The following DLGAP2 variants were observed in gnomAD, a reference collection of about 807,000 sequenced individuals.
The protein encoded by DLGAP2 is disks large-associated protein 2.
Under a neutral mutation model 100.3 loss-of-function variants are expected in DLGAP2, and 26 were observed. That is an observed-to-expected ratio of 0.26 (90% CI 0.19 to 0.36). DLGAP2 has a LOEUF of 0.36. Ranked by LOEUF, DLGAP2 falls within the 10% of genes least tolerant of loss-of-function variation. The probability of loss-of-function intolerance (pLI) is 1.00; values close to 1 mark genes in which losing one functional copy is unlikely to be tolerated. For synonymous variants in DLGAP2, 886 were observed against 630.1 expected, an observed-to-expected ratio of 1.41 and a Z score of -6.08; for missense variants, 1,858 against 1,453.2, an observed-to-expected ratio of 1.28 and a Z score of -4.53.
rs7463888 is a variant in DLGAP2, at chr8:1,668,509, C to G, written c.1991C>G (p.Thr664Arg). 1.9e-6 allele frequency: 3 copies of G among 1,593,364 alleles called. No individual in the cohort carries two copies. The highest frequency in any genetic ancestry group is 2.3e-5 in the South Asian group (2 of 87,676). The change falls in exon 9 of 15, where the codon ACG becomes AGG. Residue 664 changes from threonine (T) to arginine (R), a missense_variant. Thr to Arg is a moderately conservative substitution (Grantham distance 71). Coordinates refer to ENST00000637795, the MANE Select transcript of DLGAP2 (RefSeq NM_001346810.2). The part of the protein sequence containing the change: ...PQDSRGLYNS[T>R]DSLDSNKAMN... The stretch of plus-strand genomic sequence containing the variant: ...GACAGCCGCGGCCTCTACAACTCCA[C>G]GGACAGCCTGGACAGCAACAAGGCC...
chr8:1,067,129 G>A (rs762791131), intron 2 of DLGAP2, among the ~76,000 whole-genome samples: 1 of 152,180 alleles, frequency 6.6e-6, no homozygotes, highest in African/African-American at 2.4e-5. Flanking sequence ...AGCCCCCTCT[G>A]TGATCTTCCC....
At chr8:1,327,689 A>G (rs1298469332) in intron 3 of DLGAP2, among the ~76,000 whole-genome samples, 1 of 151,998 alleles carries the variant, frequency 6.6e-6, no homozygotes, top group Admixed American at 6.5e-5. Context: ...CTAAAAATAC[A>G]AAAAACTATC....
chr8:1,359,410 C>G (rs1404521886), intron 3 of DLGAP2, among the ~76,000 whole-genome samples: 1 of 152,218 alleles, frequency 6.6e-6, no homozygotes, highest in African/African-American at 2.4e-5. Flanking sequence ...GGACAGTTTT[C>G]TTTTTTAAAA....
chr8:851,632 C>T (rs1206574117), intron 1 of DLGAP2, among the ~76,000 whole-genome samples: 1 of 152,216 alleles, frequency 6.6e-6, no homozygotes. Flanking sequence ...GTTCAAAAAA[C>T]TTGTCACATT....
intron 4 of DLGAP2, among the ~76,000 whole-genome samples, chr8:1,542,733 C>T (rs1333568902): frequency 1.3e-5 from 2 of 152,284 alleles, no homozygotes; most frequent in South Asian, 2.1e-4. Flanking sequence ...GATGTGTTTT[C>T]ATTTCTCTTG....
intron 1 of DLGAP2, among the ~76,000 whole-genome samples, chr8:848,361 CTGTTCCAGTGTAGGGTCGTGCGGTGCG>C (rs71202669): frequency 7.1e-4 from 59 of 83,034 alleles, no homozygotes; most frequent in African/African-American, 2.5e-3. Context: ...CGTGCGGTGC[CTGTTCCAGTGTAGGGTCGTGCGGTGCG>C]TGTTCCAGTG....
intron 6 of DLGAP2, among the ~76,000 whole-genome samples, chr8:1,584,753 C>G (rs1796065324): frequency 6.6e-6 from 1 of 152,152 alleles, no homozygotes; most frequent in African/African-American, 2.4e-5. Flanking sequence ...TCACCCCACA[C>G]CCGGCGGACC....
chr8:1,620,845 T>C (rs1340216043), intron 6 of DLGAP2, among the ~76,000 whole-genome samples: 1 of 152,210 alleles, frequency 6.6e-6, no homozygotes, highest in Admixed American at 6.5e-5. Flanking sequence ...AGTACTTTTC[T>C]TTTGCCTGTG....
chr8:1,350,087 A>G (rs1801672706), intron 3 of DLGAP2, among the ~76,000 whole-genome samples: 3 of 152,254 alleles, frequency 2.0e-5, no homozygotes, highest in South Asian at 4.1e-4. Flanking sequence ...TAAGGTGCCA[A>G]TAATTTATTC....
chr8:1,199,601 A>T lies in DLGAP2; in HGVS notation c.74-59250A>T, dbSNP rs184185342. On this transcript the variant is annotated intron_variant, in intron 2 of 14. Transcript: ENST00000637795. ...AATGACCTCGGGAAACACCATCTTC[A>T]TGAGCCAAACTCATGCCAGCCAGAT... is the stretch of plus-strand genomic sequence containing the variant. Among the ~76,000 whole-genome samples the T allele has an allele frequency of 2.1e-3, 320 of 152,274 alleles. 3 individuals are homozygous for T. The highest frequency in any genetic ancestry group is 6.7e-3 in the African/African-American group (277 of 41,558).
chr8:846,876 T>C (rs1797081558), intron 1 of DLGAP2, among the ~76,000 whole-genome samples: 1 of 152,228 alleles, frequency 6.6e-6, no homozygotes, highest in African/African-American at 2.4e-5. Flanking sequence ...CACATCCATG[T>C]CTGGCTTGCT....
intron 2 of DLGAP2, among the ~76,000 whole-genome samples, chr8:957,391 G>A (rs1327155072): frequency 2.0e-5 from 3 of 152,166 alleles, no homozygotes; most frequent in African/African-American, 4.8e-5. Flanking sequence ...TATAGAAAAC[G>A]CAGGGCTGCT....
chr8:1,389,226 C>T (rs951705985), intron 3 of DLGAP2, among the ~76,000 whole-genome samples: 6 of 151,924 alleles, frequency 3.9e-5, no homozygotes, highest in African/African-American at 4.8e-5. Flanking sequence ...ATGGGAGGAG[C>T]GGTACTCTGG....
chr8:1,498,284 A>G (rs767166813), intron 3 of DLGAP2, among the ~76,000 whole-genome samples: 25 of 152,260 alleles, frequency 1.6e-4, no homozygotes, highest in African/African-American at 5.3e-4. Flanking sequence ...ATCAGAGTCA[A>G]TTCTCTCCTG....
chr8:1,081,478 A>C (rs973933962), intron 2 of DLGAP2, among the ~76,000 whole-genome samples: 4 of 152,094 alleles, frequency 2.6e-5, no homozygotes, highest in Non-Finnish European at 5.9e-5. Flanking sequence ...CAGCCTCCCT[A>C]GTAGCTGGGA....
intron 1 of DLGAP2, among the ~76,000 whole-genome samples, chr8:789,450 C>G (rs562995784): frequency 6.6e-6 from 1 of 152,212 alleles, no homozygotes; most frequent in African/African-American, 2.4e-5. Flanking sequence ...AAATCCACCC[C>G]TGTGATCCAG....
intron 4 of DLGAP2, among the ~76,000 whole-genome samples, chr8:1,514,495 A>G (rs1286486188): frequency 6.6e-6 from 1 of 152,248 alleles, no homozygotes; most frequent in Non-Finnish European, 1.5e-5. Context: ...GAGAATATAA[A>G]AGGAAATAAT....
chr8:1,463,735 G>C (rs1018683594), intron 3 of DLGAP2, among the ~76,000 whole-genome samples: 1 of 152,264 alleles, frequency 6.6e-6, no homozygotes, highest in African/African-American at 2.4e-5. Context: ...AACATGGTGT[G>C]AGCGGCCCAG....
chr8:774,527 A>G (rs2132613564), intron 1 of DLGAP2, among the ~76,000 whole-genome samples: 1 of 150,438 alleles, frequency 6.6e-6, no homozygotes, highest in Admixed American at 6.6e-5. Flanking sequence ...ATTTTTGTAT[A>G]AGGTGTAAGG....
Sources: gnomAD v4.1 joint callset for allele counts (sites outside exome capture counted in the v4.1 genomes callset) on GRCh38, gnomAD v4.1.1 for gene constraint, MANE v1.5 for transcripts, NCBI Gene and HGNC (gene_info 2026-07-23, HGNC 2026-07-21) for gene names.